PDZD8: variants seen among roughly 807,000 people sequenced by gnomAD.
The protein encoded by PDZD8 is PDZ domain-containing protein 8.
PDZD8 carries 14 observed loss-of-function variants against 85.8 expected under a neutral mutation model. The ratio of observed to expected loss-of-function variants is 0.16; its 90% CI spans 0.11 to 0.26. The LOEUF is 0.26. Among genes scored for constraint, PDZD8 ranks in the 10% least tolerant of loss-of-function variants. The pLI is 1.00. For missense variants in PDZD8, 1,197 were observed against 1,424.3 expected (o/e 0.84, Z 2.57); for synonymous variants, 592 against 568.6 (o/e 1.04, Z -0.59).
chr10:117,296,513 C>T (rs1392484986), intron 3 of PDZD8, among the ~76,000 whole-genome samples: 1 of 152,080 alleles, frequency 6.6e-6, no homozygotes, highest in East Asian at 1.9e-4. Context: ...ACAGCCAAAA[C>T]ACTCCTTAAA....
rs2074435057 is a variant in PDZD8 at position 117,356,847 on chromosome 10, C to G, written c.873-15745G>C. 2.0e-5 allele frequency among the ~76,000 whole-genome samples: 3 copies of G among 152,256 alleles called. No homozygotes were observed. The South Asian group carries it at 6.2e-4, about 32-fold the overall frequency. ...TTGGAAAATGAGTTCATGTTGGCCT[C>G]CTCAAAGGCTTTGGAGTACACCCTG... On this transcript the variant is annotated intron_variant, in intron 1 of 4. Coordinates refer to ENST00000334464, the MANE Select transcript of PDZD8 (RefSeq NM_173791.5).
chr10:117,355,555 T>C (rs1815122452), intron 1 of PDZD8, among the ~76,000 whole-genome samples: 1 of 152,184 alleles, frequency 6.6e-6, no homozygotes, highest in Admixed American at 6.5e-5. Flanking sequence ...ATTGTGTCAC[T>C]TCCCAGCAAT....
intron 1 of PDZD8, 112 bp from the exon 2 acceptor site, chr10:117,341,214 A>G (rs886788336): frequency 2.5e-5 from 28 of 1,131,634 alleles, no homozygotes; most frequent in Middle Eastern, 2.4e-4. Context: ...CTAATACTAC[A>G]CGTGCTCTAC....
rs768312715 is a variant in PDZD8, at chr10:117,290,236, G to A, written c.1211C>T (p.Pro404Leu). The stretch of plus-strand genomic sequence containing the variant: ...CCGCTGAAGATCTGCAATTGCAGCA[G>A]GCGAGTTTGGAGCCACAGTTTCAAT... ...VIIETVAPNS[P>L]AAIADLQRGD... The change falls in exon 4 of 5, where the codon CCT (proline) becomes CTT (leucine). Residue 404 changes from proline to leucine, a missense_variant. Physicochemically the swap from Pro to Leu is moderately conservative, Grantham distance 98 (BLOSUM62 -3). Transcript: ENST00000334464. 1 of 1,614,092 alleles carries A rather than the reference G, an allele frequency of 6.2e-7. No individual in the cohort carries two copies. The highest frequency in any genetic ancestry group is 8.5e-7 in the Non-Finnish European group (1 of 1,179,976).
chr10:117,351,245 A>G (rs148658189), intron 1 of PDZD8, among the ~76,000 whole-genome samples: 1 of 152,182 alleles, frequency 6.6e-6, no homozygotes, highest in African/African-American at 2.4e-5. Context: ...TCATAACAAC[A>G]CTACCCATCA....
At chr10:117,332,592 C>T (rs977699653) in intron 2 of PDZD8, among the ~76,000 whole-genome samples, 9 of 149,984 alleles carry the variant, frequency 6.0e-5, no homozygotes, top group African/African-American at 2.0e-4. Context: ...CCGCAACCTC[C>T]GCCTCCTGGG....
At chr10:117,351,128 A>G (rs1481082289) in intron 1 of PDZD8, among the ~76,000 whole-genome samples, 1 of 152,146 alleles carries the variant, frequency 6.6e-6, no homozygotes, top group Non-Finnish European at 1.5e-5. Flanking sequence ...TTGTAGTAAT[A>G]TCTACGAAGC....
chr10:117,347,718 T>C (rs1164132874), intron 1 of PDZD8, among the ~76,000 whole-genome samples: 1 of 151,926 alleles, frequency 6.6e-6, no homozygotes. Flanking sequence ...CTCATAACAG[T>C]AGATATGAAC....
At chr10:117,325,504 G>A (rs1217447300) in intron 2 of PDZD8, among the ~76,000 whole-genome samples, 1 of 140,672 alleles carries the variant, frequency 7.1e-6, no homozygotes, top group Non-Finnish European at 1.5e-5. Flanking sequence ...CTGGGTTCAA[G>A]CAATTCTTGT....
chr10:117,367,139 T>C (rs12247698), intron 1 of PDZD8, among the ~76,000 whole-genome samples: 78,898 of 152,008 alleles, frequency 0.52, 21,390 homozygotes, highest in African/African-American at 0.68. Flanking sequence ...CCCGGCAGGG[T>C]GTGAATCACA....
intron 2 of PDZD8, among the ~76,000 whole-genome samples, chr10:117,339,006 C>T (rs1417337945): frequency 6.6e-6 from 1 of 151,806 alleles, no homozygotes; most frequent in Non-Finnish European, 1.5e-5. Flanking sequence ...CTGTACACTG[C>T]AGTTCCTTTT....
At chr10:117,329,749 G>A (rs892177203) in intron 2 of PDZD8, among the ~76,000 whole-genome samples, 6 of 151,574 alleles carry the variant, frequency 4.0e-5, no homozygotes, top group Non-Finnish European at 1.5e-5. Flanking sequence ...AATTCAAGAC[G>A]AGCCTGGGCA....
At position 117,290,286 on chromosome 10, in the gene PDZD8, A is replaced by G. The variant is rs759630137; in HGVS notation, c.1161T>C (p.Thr387=). 1 of 1,613,816 alleles carries G rather than the reference A, an allele frequency of 6.2e-7. No individual in the cohort carries two copies. ...TGATGACGTGCCCAGCATACCCATC[A>G]GTTGACTGGACAAGACGAAGTGTAA... ...VGLTLRLVQS[T]DGYAGHVIIE... The change falls in exon 4 of 5, where the codon ACT becomes ACC. Residue 387 remains threonine, a synonymous_variant. Coordinates refer to ENST00000334464, the MANE Select transcript of PDZD8 (RefSeq NM_173791.5).
At chr10:117,303,780 G>A (rs955349086) in intron 3 of PDZD8, among the ~76,000 whole-genome samples, 4 of 152,260 alleles carry the variant, frequency 2.6e-5, no homozygotes, top group African/African-American at 9.6e-5. Context: ...TGTGGCTTTA[G>A]AGGGTGGAAG....
At chr10:117,329,980 G>A (rs1406647026) in intron 2 of PDZD8, among the ~76,000 whole-genome samples, 1 of 70,030 alleles carries the variant, frequency 1.4e-5, no homozygotes, top group African/African-American at 4.8e-5. Context: ...AAGGAAGGAA[G>A]GAAGGAAGGA....
intron 3 of PDZD8, among the ~76,000 whole-genome samples, chr10:117,302,684 CT>C (rs1843865974): frequency 6.6e-6 from 1 of 152,168 alleles, no homozygotes; most frequent in Non-Finnish European, 1.5e-5. Flanking sequence ...TGAATTGTAT[CT>C]CCCAGAATTC....
At chr10:117,294,991 A>G (rs957942664) in intron 3 of PDZD8, among the ~76,000 whole-genome samples, 6 of 152,160 alleles carry the variant, frequency 3.9e-5, no homozygotes, top group African/African-American at 1.4e-4. Flanking sequence ...GCTGGAAGAG[A>G]TTATTTTTAA....
Position 117,281,984 on chromosome 10 carries a change from C to T in PDZD8, c.*1284G>A, listed in dbSNP as rs1844582485. 1 of 152,156 alleles carries T rather than the reference C, an allele frequency of 6.6e-6. No individual in the cohort carries two copies. Among genetic ancestry groups the T allele is most frequent in the African/African-American group, 2.4e-5 (1 of 41,430 alleles). 9.4% of individuals were successfully genotyped at this position (152,156 alleles called of 1,614,324 possible). ...GGTACCCCAACAACAGTCGAGCTTA[C>T]TTGTTTTCCCTCAGTCAAATGTTAC... On this transcript the variant is annotated 3_prime_UTR_variant, in exon 5 of 5. Transcript: ENST00000334464.
chr10:117,291,305 C>T (rs1039403630), intron 3 of PDZD8, among the ~76,000 whole-genome samples: 2 of 151,646 alleles, frequency 1.3e-5, no homozygotes, highest in Non-Finnish European at 2.9e-5. Context: ...CCGAGGTGGG[C>T]GGATCAGGAG....
Sources: allele counts gnomAD v4.1 joint callset (sites outside exome capture counted in the v4.1 genomes callset), GRCh38; gene constraint gnomAD v4.1.1; transcripts MANE v1.5; gene names NCBI Gene and HGNC (gene_info 2026-07-23, HGNC 2026-07-21).